The following RALGAPA1 variants were observed in gnomAD, a reference collection of about 807,000 sequenced individuals.
The protein encoded by RALGAPA1 is ral GTPase-activating protein subunit alpha-1.
Under a neutral mutation model 269.6 loss-of-function variants are expected in RALGAPA1, and 52 were observed. The ratio of observed to expected loss-of-function variants is 0.19; its 90% CI spans 0.15 to 0.24. The LOEUF is 0.24. Ranked by LOEUF, RALGAPA1 falls within the 10% of genes least tolerant of loss-of-function variation. The pLI is 1.00. For synonymous variants in RALGAPA1, 817 were observed against 1,008.3 expected (o/e 0.81, Z 3.60); for missense variants, 1,917 against 3,013.9 (o/e 0.64, Z 8.52).
chr14:35,804,241 G>A lies in RALGAPA1; in HGVS notation c.106+4489C>T, dbSNP rs2077192669. On this transcript the variant is annotated intron_variant, in intron 1 of 41. Transcript: ENST00000680220. Reference sequence around the variant, plus strand: ...CAAGCCACTGCACTCTAGCCTGGGCGACAGAGCGAGACTCCATCTCAAAAA... The same window carrying A: ...CAAGCCACTGCACTCTAGCCTGGGCAACAGAGCGAGACTCCATCTCAAAAA... Among the ~76,000 whole-genome samples the A allele has an allele frequency of 2.0e-5, 3 of 148,634 alleles. No individual in the cohort carries two copies. In the South Asian group the frequency reaches 6.5e-4, roughly 32 times the overall value.
At chr14:35,771,782 T>C (rs937411509) in intron 3 of RALGAPA1, among the ~76,000 whole-genome samples, 2 of 152,176 alleles carry the variant, frequency 1.3e-5, no homozygotes, top group Non-Finnish European at 2.9e-5. Context: ...GCAATCCTCC[T>C]GCCTCAGTCT....
intron 39 of RALGAPA1, among the ~76,000 whole-genome samples, chr14:35,563,103 GT>G (rs2056420893): frequency 6.9e-6 from 1 of 145,334 alleles, no homozygotes; most frequent in Non-Finnish European, 1.5e-5. Flanking sequence ...CATCCACCTT[GT>G]TCTAATTAGA....
At chr14:35,796,795 T>A (rs1298801669) in intron 1 of RALGAPA1, among the ~76,000 whole-genome samples, 1 of 150,582 alleles carries the variant, frequency 6.6e-6, no homozygotes, top group Non-Finnish European at 1.5e-5. Context: ...ATCCTTTTTT[T>A]TTTGAGATGG....
chr14:35,728,244 A>G (rs1359224983), intron 13 of RALGAPA1, 118 bp downstream of exon 13: 7 of 916,474 alleles, frequency 7.6e-6, no homozygotes, highest in Non-Finnish European at 1.0e-5. Context: ...TTATTCAATA[A>G]TAGGAGCCTC....
intron 37 of RALGAPA1, among the ~76,000 whole-genome samples, chr14:35,591,315 T>TGTAC (rs2058622557): frequency 2.0e-5 from 3 of 152,116 alleles, no homozygotes; most frequent in Non-Finnish European, 4.4e-5. Context: ...TATGTATGTA[T>TGTAC]GTATGTATGT....
At chr14:35,566,432 G>A (rs956888861) in intron 39 of RALGAPA1, among the ~76,000 whole-genome samples, 10 of 150,196 alleles carry the variant, frequency 6.7e-5, no homozygotes, top group Non-Finnish European at 1.3e-4. Context: ...TGGAATCTTA[G>A]TGAGTACTTT....
chr14:35,595,933 G>C, intron 36 of RALGAPA1, 144 bp from the exon 37 acceptor site: 1 of 644,180 alleles, frequency 1.6e-6, no homozygotes, highest in Non-Finnish European at 2.6e-6. Flanking sequence ...AGAATTGTTA[G>C]AATTGATTTG....
At chr14:35,622,589 A>C (rs577017669) in intron 35 of RALGAPA1, among the ~76,000 whole-genome samples, 2 of 152,352 alleles carry the variant, frequency 1.3e-5, no homozygotes, top group Non-Finnish European at 2.9e-5. Context: ...TGATAGACAA[A>C]GCAACAGAAA....
At chr14:35,800,757 C>T (rs919708478) in intron 1 of RALGAPA1, among the ~76,000 whole-genome samples, 16 of 152,210 alleles carry the variant, frequency 1.1e-4, no homozygotes, top group Non-Finnish European at 1.6e-4. Flanking sequence ...GTAATCCCAG[C>T]ACTTTGGGAG....
At chr14:35,791,467 A>T (rs2076162328) in intron 1 of RALGAPA1, among the ~76,000 whole-genome samples, 1 of 152,016 alleles carries the variant, frequency 6.6e-6, no homozygotes, top group Non-Finnish European at 1.5e-5. Flanking sequence ...TTAGCCGGGC[A>T]TTGGTGGCAG....
intron 32 of RALGAPA1, 111 bp downstream of exon 32, chr14:35,635,353 T>C: frequency 8.0e-7 from 1 of 1,245,732 alleles, no homozygotes; most frequent in Non-Finnish European, 1.1e-6. Context: ...ATATGTGTTC[T>C]TAGAAATTTT....
intron 37 of RALGAPA1, among the ~76,000 whole-genome samples, chr14:35,583,239 A>G (rs1228453317): frequency 6.6e-6 from 1 of 152,190 alleles, no homozygotes; most frequent in African/African-American, 2.4e-5. Context: ...TGGACAATGT[A>G]TGTAGAGAGA....
rs775786040 is a variant in RALGAPA1, at chr14:35,728,353, T to A, written c.1736+9A>T. 56 of 1,545,562 alleles carry A rather than the reference T, an allele frequency of 3.6e-5. No homozygotes were observed. Among genetic ancestry groups the A allele is most frequent in the Non-Finnish European group, 4.6e-5 (53 of 1,150,536 alleles). ...AACACATAGACATAAAGGATAAAAA[T>A]TTTTTTACCAAGTCTTTTTGTCCAT... On this transcript the variant is annotated intron_variant, in intron 13 of 41. Coordinates refer to ENST00000680220, the MANE Select transcript of RALGAPA1 (RefSeq NM_001346249.2).
At chr14:35,661,135 C>T (rs1005631509) in intron 27 of RALGAPA1, among the ~76,000 whole-genome samples, 6 of 151,980 alleles carry the variant, frequency 3.9e-5, no homozygotes, top group African/African-American at 1.4e-4. Context: ...CTTTTACTCC[C>T]TCTCACCAAA....
intron 39 of RALGAPA1, among the ~76,000 whole-genome samples, chr14:35,557,825 G>A (rs2055776004): frequency 6.6e-6 from 1 of 151,996 alleles, no homozygotes; most frequent in Admixed American, 6.6e-5. Context: ...AGATTTAAAA[G>A]GTTTCTTAAA....
intron 39 of RALGAPA1, among the ~76,000 whole-genome samples, chr14:35,550,162 G>A (rs896710988): frequency 4.6e-5 from 7 of 152,188 alleles, no homozygotes; most frequent in Non-Finnish European, 8.8e-5. Context: ...AGCAACTATG[G>A]AAATGGCTGT....
chr14:35,805,115 A>C (rs1396093005), intron 1 of RALGAPA1, among the ~76,000 whole-genome samples: 1 of 151,228 alleles, frequency 6.6e-6, no homozygotes, highest in Admixed American at 6.6e-5. Context: ...GTGAAACCCC[A>C]TCTCTATTAG....
chr14:35,567,508 G>A (rs2056810593), intron 39 of RALGAPA1, among the ~76,000 whole-genome samples: 2 of 152,104 alleles, frequency 1.3e-5, no homozygotes, highest in African/African-American at 4.8e-5. Flanking sequence ...TGAAGAAAGT[G>A]AGGTTCAGAG....
chr14:35,763,398 C>G (rs754129071), intron 4 of RALGAPA1, among the ~76,000 whole-genome samples: 2 of 151,982 alleles, frequency 1.3e-5, no homozygotes, highest in Non-Finnish European at 2.9e-5. Flanking sequence ...TCCTTTCTTC[C>G]CCAGAGGAAA....
Sources: allele counts gnomAD v4.1 joint callset (sites outside exome capture counted in the v4.1 genomes callset), GRCh38; gene constraint gnomAD v4.1.1; transcripts MANE v1.5; gene names NCBI Gene and HGNC (gene_info 2026-07-23, HGNC 2026-07-21).